The following TMEM127 variants were observed in gnomAD, a reference collection of about 807,000 sequenced individuals.
TMEM127 encodes the protein transmembrane protein 127.
TMEM127 carries 21 observed loss-of-function variants against 20.1 expected under a neutral mutation model. The ratio of observed to expected loss-of-function variants is 1.04; its 90% confidence interval spans 0.74 to 1.50. The LOEUF is 1.50. Among genes scored for constraint, TMEM127 ranks in the 40% most tolerant of loss-of-function variants. The pLI is 0.00. For missense variants in TMEM127, 303 were observed against 317.4 expected (o/e 0.95, Z 0.34); for synonymous variants, 150 against 144.7 (o/e 1.04, Z -0.26).
At chr2:96,256,392 G>C (rs754152451) in intron 2 of TMEM127, among the ~76,000 whole-genome samples, 13 of 151,584 alleles carry the variant, frequency 8.6e-5, no homozygotes, top group Non-Finnish European at 1.9e-4. Context: ...ACCAACATGG[G>C]GAAACCCTGT....
At chr2:96,257,486 C>CA (rs1201335980) in intron 2 of TMEM127, among the ~76,000 whole-genome samples, 1 of 151,998 alleles carries the variant, frequency 6.6e-6, no homozygotes, top group South Asian at 2.1e-4. Flanking sequence ...AACAAAAAAA[C>CA]AAAAAACTAG....
chr2:96,256,287 T>C (rs1375526496), intron 2 of TMEM127, among the ~76,000 whole-genome samples: 2 of 121,360 alleles, frequency 1.6e-5, no homozygotes, highest in Non-Finnish European at 3.4e-5. Flanking sequence ...AAAAAAAAAA[T>C]GTTGGCAGGG....
Position 96,252,153 on chromosome 2 carries a change from G to T in TMEM127, c.*1655C>A, listed in dbSNP as rs1684105235. On this transcript the variant is annotated 3_prime_UTR_variant, in exon 4 of 4. Transcript: ENST00000258439. The surrounding 1 kb of genome is among the most constrained non-coding windows in gnomAD (Gnocchi z 4.2). ...GCAAGCAGCCACTGGCTCGTGTGCA[G>T]ATGTGGCCCTCACCACCCATGCAGG... is the stretch of plus-strand genomic sequence containing the variant. The T allele has an allele frequency of 4.3e-6, 1 of 233,294 alleles. No individual in the cohort carries two copies. The highest frequency in any genetic ancestry group is 8.5e-6 in the Non-Finnish European group (1 of 118,134). 14.5% of individuals were successfully genotyped at this position (233,294 alleles called of 1,614,324 possible). A position where few individuals can be genotyped will look rare whatever the true frequency, so the allele number is the denominator to read the frequency against.
At position 96,254,981 on chromosome 2, in the gene TMEM127, G is replaced by T; in HGVS notation, c.261C>A (p.Pro87=). ...PDLLKDFCMN[P]QTVLLLRVIA... ...TGACCCGCAGGAGCAGCACTGTCTG[G>T]GGATTCATGCAGAAATCTGTAGAGG... Residue 87 remains proline (P), a synonymous_variant, in exon 3 of 4, where the codon CCC becomes CCA. Transcript: ENST00000258439. The T allele has an allele frequency of 6.2e-7, 1 of 1,614,196 alleles. No individual in the cohort carries two copies. The highest frequency in any genetic ancestry group is 1.1e-5 in the South Asian group (1 of 91,070).
Position 96,253,728 on chromosome 2 carries a change from G to C in TMEM127, c.*80C>G. On this transcript the variant is annotated 3_prime_UTR_variant, in exon 4 of 4. Coordinates refer to ENST00000258439, the MANE Select transcript of TMEM127 (RefSeq NM_017849.4). This position sits in a 1 kb window ranked among gnomAD's most constrained non-coding sequence, Gnocchi z 4.3. ...AGGATCCTACCAGTGAGGCCTGCTG[G>C]GGAAAGGAGCTCCTCTGGGTGCGAG... is the stretch of plus-strand genomic sequence containing the variant. The C allele has an allele frequency of 1.3e-6, 2 of 1,485,822 alleles. No individual in the cohort carries two copies. The highest frequency in any genetic ancestry group is 2.3e-5 in the East Asian group (1 of 43,526). The allele number at this position is 1,485,822 out of a possible 1,614,324, so 92.0% of individuals were successfully genotyped here. A position where few individuals can be genotyped will look rare whatever the true frequency, so the allele number is the denominator to read the frequency against.
At chr2:96,262,262 TAAAAAAAAA>T (rs571622935) in intron 2 of TMEM127, among the ~76,000 whole-genome samples, 1 of 132,978 alleles carries the variant, frequency 7.5e-6, no homozygotes, top group Non-Finnish European at 1.6e-5. Context: ...CTGTCTCATT[TAAAAAAAAA>T]AAAAAAAAAA....
chr2:96,256,676 C>A (rs1016321516), intron 2 of TMEM127, among the ~76,000 whole-genome samples: 2 of 151,594 alleles, frequency 1.3e-5, no homozygotes, highest in Non-Finnish European at 1.5e-5. Flanking sequence ...AAGGAAGTTG[C>A]GGCAGTTTAG....
At chr2:96,254,314 CCAGT>C (rs1276777680) in intron 3 of TMEM127, among the ~76,000 whole-genome samples, 199 bp from the exon 4 acceptor site, 1 of 152,188 alleles carries the variant, frequency 6.6e-6, no homozygotes, top group Non-Finnish European at 1.5e-5. Context: ...CTGATCTAGG[CCAGT>C]CAGATTCCAT....
chr2:96,251,707 A>T lies in TMEM127; in HGVS notation c.*2101T>A, dbSNP rs1263720472. The stretch of plus-strand genomic sequence containing the variant: ...TTTCCCTTTTAATTTTTTTCTAGAA[A>T]AAAAAACACAACCCGGGGAATTTAT... On this transcript the variant is annotated 3_prime_UTR_variant, in exon 4 of 4. Transcript: ENST00000258439. 1 of 231,804 alleles carries T rather than the reference A, an allele frequency of 4.3e-6. No homozygotes were observed. Among genetic ancestry groups the T allele is most frequent in the Non-Finnish European group, 8.5e-6 (1 of 117,550 alleles). 14.4% of individuals were successfully genotyped at this position (231,804 alleles called of 1,614,324 possible).
At position 96,251,008 on chromosome 2, in the gene TMEM127, A is replaced by C. The variant is rs1037492575; in HGVS notation, c.*2800T>G. ...CTATTTCCTCCCACAGGATGGCTAG[A>C]GTTTAGGAGCCACGTTCTCCTCTAT... On this transcript the variant is annotated 3_prime_UTR_variant, in exon 4 of 4. Transcript: ENST00000258439. 9 of 224,926 alleles carry C rather than the reference A, an allele frequency of 4.0e-5. No homozygotes were observed. The highest frequency in any genetic ancestry group is 6.2e-5 in the Non-Finnish European group (7 of 112,864). 13.9% of individuals were successfully genotyped at this position (224,926 alleles called of 1,614,324 possible). A position where few individuals can be genotyped will look rare whatever the true frequency, so the allele number is the denominator to read the frequency against.
chr2:96,259,940 G>A (rs980283037), intron 2 of TMEM127, among the ~76,000 whole-genome samples: 6 of 152,170 alleles, frequency 3.9e-5, no homozygotes, highest in African/African-American at 9.7e-5. Context: ...TTGACCACAC[G>A]TCAGCCCGTG....
Position 96,258,934 on chromosome 2 carries a change from T to C in TMEM127, c.245-3937A>G, listed in dbSNP as rs555449386. 1.2e-4 allele frequency among the ~76,000 whole-genome samples: 18 copies of C among 152,258 alleles called. No individual in the cohort carries two copies. The South Asian group carries it at 3.7e-3, about 32-fold the overall frequency. On this transcript the variant is annotated intron_variant, in intron 2 of 3. Coordinates refer to ENST00000258439, the MANE Select transcript of TMEM127 (RefSeq NM_017849.4). ...CAGGCAGTTGGAGTAAGAAAAGTAA[T>C]ATGTGCAGGCTTCAAGGAGCCTGTA... is the stretch of plus-strand genomic sequence containing the variant.
intron 2 of TMEM127, among the ~76,000 whole-genome samples, chr2:96,262,664 G>C (rs926078728): frequency 6.6e-6 from 1 of 152,224 alleles, no homozygotes; most frequent in Admixed American, 6.5e-5. Context: ...CTTTGCAAAA[G>C]ACAAAACGGA....
chr2:96,265,420 G>C lies in TMEM127; in HGVS notation c.-39C>G. On this transcript the variant is annotated 5_prime_UTR_variant, in exon 2 of 4. Coordinates refer to ENST00000258439, the MANE Select transcript of TMEM127 (RefSeq NM_017849.4). ...CGCCGTCGCTCCGCAGTCGCTGCTG[G>C]TCGCCGCCGACCTCCGCGGGGCGCG... 7.5e-7 allele frequency: 1 copy of C among 1,335,584 alleles called. No individual in the cohort carries two copies. Among genetic ancestry groups the C allele is most frequent in the Admixed American group, 3.7e-5 (1 of 26,898 alleles). 82.7% of individuals were successfully genotyped at this position (1,335,584 alleles called of 1,614,324 possible). A position where few individuals can be genotyped will look rare whatever the true frequency, so the allele number is the denominator to read the frequency against.
intron 3 of TMEM127, among the ~76,000 whole-genome samples, chr2:96,254,372 G>A (rs1448463068): frequency 6.6e-6 from 1 of 152,188 alleles, no homozygotes; most frequent in African/African-American, 2.4e-5. Context: ...GGGAGCTGGA[G>A]TAGGCACACC....
In TMEM127 at chr2:96,252,315, G is replaced by A. The variant is rs1684110630; in HGVS notation, c.*1493C>T. ...TCACCTTAAAGGTTGGAAGAGATTG[G>A]AATCCATTTCCTTTTCAGCTCAGCA... On this transcript the variant is annotated 3_prime_UTR_variant, in exon 4 of 4. Coordinates refer to ENST00000258439, the MANE Select transcript of TMEM127 (RefSeq NM_017849.4). This position sits in a 1 kb window ranked among gnomAD's most constrained non-coding sequence, Gnocchi z 4.2. 1 of 233,208 alleles carries A rather than the reference G, an allele frequency of 4.3e-6. No individual in the cohort carries two copies. The highest frequency in any genetic ancestry group is 2.2e-5 in the African/African-American group (1 of 45,354). The allele number at this position is 233,208 out of a possible 1,614,324, so 14.4% of individuals were successfully genotyped here. A position where few individuals can be genotyped will look rare whatever the true frequency, so the allele number is the denominator to read the frequency against.
Position 96,248,553 on chromosome 2 carries a change from C to G in TMEM127, c.*5255G>C, listed in dbSNP as rs1229035091. 1 of 208,802 alleles carries G rather than the reference C, an allele frequency of 4.8e-6. No individual in the cohort carries two copies. The highest frequency in any genetic ancestry group is 9.7e-6 in the Non-Finnish European group (1 of 102,712). 12.9% of individuals were successfully genotyped at this position (208,802 alleles called of 1,614,324 possible). ...TTCTTTTATTAAAATAAAACCCATC[C>G]ACCACCCCAAGGTTATTCCAGAAGG... On this transcript the variant is annotated 3_prime_UTR_variant, in exon 4 of 4. Transcript: ENST00000258439.
chr2:96,262,299 C>T (rs1179036654), intron 2 of TMEM127, among the ~76,000 whole-genome samples: 1 of 151,396 alleles, frequency 6.6e-6, no homozygotes, highest in Non-Finnish European at 1.5e-5. Flanking sequence ...TGCACCACAT[C>T]TGTGCTTGAC....
rs1684243153 is a variant in TMEM127 at position 96,257,920 on chromosome 2, A to AG, written c.245-2924_245-2923insC. ...ACAGAGTGACTCCGCCTCAAAAAAA[A>AG]AAGTAGGAAATGGGCCTTAACTTCC... On this transcript the variant is annotated intron_variant, in intron 2 of 3. Coordinates refer to ENST00000258439, the MANE Select transcript of TMEM127 (RefSeq NM_017849.4). Among the ~76,000 whole-genome samples the AG allele has an allele frequency of 3.3e-5, 5 of 151,944 alleles. No homozygotes were observed. In the South Asian group the frequency reaches 1.0e-3, roughly 32 times the overall value.
Sources: gnomAD v4.1 joint callset for allele counts (sites outside exome capture counted in the v4.1 genomes callset) on GRCh38, gnomAD v4.1.1 for gene constraint, Gnocchi (gnomAD v3.1) non-coding constraint, MANE v1.5 for transcripts, NCBI Gene and HGNC (gene_info 2026-07-23, HGNC 2026-07-21) for gene names.